Variants in TEX11 observed in about 807,000 individuals in gnomAD.
TEX11 encodes testis expressed 11.
Under a neutral mutation model 84.4 loss-of-function variants are expected in TEX11, and 7 were observed. The ratio of observed to expected loss-of-function variants is 0.08; its 90% CI spans 0.05 to 0.16. The LOEUF is 0.16. TEX11 is among the 10% of genes least tolerant of loss of function. The probability of loss-of-function intolerance (pLI) is 1.00; values close to 1 mark genes in which losing one functional copy is unlikely to be tolerated. For missense variants in TEX11, 551 were observed against 660.5 expected (o/e 0.83, Z 1.82); for synonymous variants, 264 against 222.8 (o/e 1.18, Z -1.64).
chrX:70,839,236 C>A (rs994145914), intron 7 of TEX11, among the ~76,000 whole-genome samples: 1 of 27,328 alleles, frequency 3.7e-5, no homozygotes, highest in Non-Finnish European at 7.0e-5. Context: ...CTGGGAGGCA[C>A]CCCCAGGAGG....
At chrX:70,570,306 T>G (rs767240989) in intron 25 of TEX11, among the ~76,000 whole-genome samples, 3 of 112,176 alleles carry the variant, frequency 2.7e-5, no homozygotes, top group East Asian at 5.6e-4. Context: ...AGGTGCCGTC[T>G]GTCACCCCTT....
At chrX:70,849,422 T>C (rs1335772667) in intron 7 of TEX11, among the ~76,000 whole-genome samples, 2 of 112,084 alleles carry the variant, frequency 1.8e-5, no homozygotes, top group African/African-American at 6.5e-5. Context: ...GAGGATAGGA[T>C]ATGTGATTAT....
chrX:70,636,003 T>C (rs2089567985), intron 17 of TEX11, among the ~76,000 whole-genome samples: 1 of 110,962 alleles, frequency 9.0e-6, no homozygotes, highest in South Asian at 3.8e-4. Context: ...TCCAAGCCAA[T>C]TTAGACCCTA....
intron 21 of TEX11, among the ~76,000 whole-genome samples, chrX:70,609,597 A>G (rs1334072127): frequency 8.9e-6 from 1 of 112,497 alleles, no homozygotes; most frequent in African/African-American, 3.2e-5. Context: ...TGCTATCACT[A>G]TCAGAAGGCA....
intron 13 of TEX11, among the ~76,000 whole-genome samples, chrX:70,698,457 G>T (rs1004821555): frequency 7.3e-5 from 8 of 109,268 alleles, no homozygotes; most frequent in Admixed American, 2.0e-4. Context: ...AAAATCAAGA[G>T]GTGAGAATCC....
intron 13 of TEX11, among the ~76,000 whole-genome samples, chrX:70,693,115 C>T (rs1261376982): frequency 9.0e-6 from 1 of 111,317 alleles, no homozygotes; most frequent in Non-Finnish European, 1.9e-5. Context: ...GTGGTGCACG[C>T]CTGTAATCCC....
chrX:70,538,302 A>G (rs2087988714), intron 28 of TEX11, among the ~76,000 whole-genome samples: 1 of 111,210 alleles, frequency 9.0e-6, no homozygotes, highest in Admixed American at 9.6e-5. Context: ...GATAGAGCAA[A>G]AGTTGTGTTT....
intron 13 of TEX11, among the ~76,000 whole-genome samples, chrX:70,687,316 T>C (rs1417835353): frequency 8.9e-6 from 1 of 112,027 alleles, no homozygotes; most frequent in African/African-American, 3.2e-5. Flanking sequence ...ATCATTACAG[T>C]TTAAAACTTA....
At chrX:70,543,227 TA>T (rs1440825718) in intron 28 of TEX11, among the ~76,000 whole-genome samples, 2 of 110,983 alleles carry the variant, frequency 1.8e-5, no homozygotes, top group Non-Finnish European at 3.8e-5. Flanking sequence ...ATTAAAAAAT[TA>T]AAAAATAAAT....
intron 13 of TEX11, among the ~76,000 whole-genome samples, chrX:70,711,591 T>G (rs2090434355): frequency 8.9e-6 from 1 of 112,415 alleles, no homozygotes; most frequent in African/African-American, 3.2e-5. Flanking sequence ...TGTCTTCTTT[T>G]GAGAAGTGTC....
At chrX:70,614,633 T>C (rs2089298045) in intron 20 of TEX11, among the ~76,000 whole-genome samples, 1 of 111,999 alleles carries the variant, frequency 8.9e-6, no homozygotes, top group African/African-American at 3.2e-5. Flanking sequence ...CACTTGCTGA[T>C]TGCAGAGCCC....
chrX:70,865,900 G>A (rs1173488079), intron 4 of TEX11, among the ~76,000 whole-genome samples: 1 of 111,758 alleles, frequency 8.9e-6, no homozygotes, highest in African/African-American at 3.3e-5. Context: ...AGTGTTAAGT[G>A]GGAAATTTAC....
intron 9 of TEX11, among the ~76,000 whole-genome samples, chrX:70,763,570 AC>A (rs938427039): frequency 9.1e-6 from 1 of 109,351 alleles, no homozygotes; most frequent in African/African-American, 3.3e-5. Context: ...ACCAAAAACT[AC>A]CTGTTCGAAA....
chrX:70,639,162 G>A (rs1347729429), intron 17 of TEX11, among the ~76,000 whole-genome samples: 1 of 111,670 alleles, frequency 9.0e-6, no homozygotes, highest in Non-Finnish European at 1.9e-5. Context: ...GGTGACGGAC[G>A]GCACCTGGAA....
intron 11 of TEX11, among the ~76,000 whole-genome samples, chrX:70,732,178 C>A (rs2090657903): frequency 9.0e-6 from 1 of 111,643 alleles, no homozygotes; most frequent in African/African-American, 3.3e-5. Context: ...CTATCTATGA[C>A]AAACCCACAG....
At chrX:70,602,115 G>A (rs1478928754) in intron 24 of TEX11, among the ~76,000 whole-genome samples, 1 of 111,803 alleles carries the variant, frequency 8.9e-6, no homozygotes, top group East Asian at 2.8e-4. Flanking sequence ...AGGGGCGGCC[G>A]GGCAGAAGCG....
At chrX:70,801,993 A>G (rs1048922527) in intron 9 of TEX11, among the ~76,000 whole-genome samples, 5 of 111,740 alleles carry the variant, frequency 4.5e-5, no homozygotes, top group African/African-American at 1.6e-4. Flanking sequence ...TATCGCAAAA[A>G]ACAAAACAAC....
intron 4 of TEX11, among the ~76,000 whole-genome samples, chrX:70,867,511 T>C (rs1479350660): frequency 9.0e-6 from 1 of 111,642 alleles, no homozygotes; most frequent in Admixed American, 9.6e-5. Flanking sequence ...TTCACAGAAC[T>C]AGAAAAAACT....
intron 15 of TEX11, among the ~76,000 whole-genome samples, chrX:70,673,825 A>G (rs1482118838): frequency 1.8e-5 from 2 of 112,218 alleles, no homozygotes; most frequent in Non-Finnish European, 3.8e-5. Context: ...CTGTAGCTAT[A>G]TAAAAAGTGT....
Sources: allele counts gnomAD v4.1 joint callset (sites outside exome capture counted in the v4.1 genomes callset), GRCh38; gene constraint gnomAD v4.1.1; transcripts MANE v1.5; gene names NCBI Gene and HGNC (gene_info 2026-07-23, HGNC 2026-07-21).